The following RPN2 variants were observed in gnomAD, a reference collection of about 807,000 sequenced individuals.
RPN2 encodes the protein dolichyl-diphosphooligosaccharide--protein glycosyltransferase subunit 2.
RPN2 carries 29 observed loss-of-function variants against 71.4 expected under a neutral mutation model. The observed-to-expected ratio is 0.41, with a 90% CI of 0.30 to 0.55. RPN2 has a LOEUF of 0.55. Among genes scored for constraint, RPN2 ranks in the 20% least tolerant of loss-of-function variants. The pLI is 0.35. For missense variants in RPN2, 726 were observed against 774.1 expected (o/e 0.94, Z 0.74); for synonymous variants, 308 against 305.0 (o/e 1.01, Z -0.10).
At chr20:37,209,503 C>G (rs192453047) in intron 7 of RPN2, among the ~76,000 whole-genome samples, 1 of 151,762 alleles carries the variant, frequency 6.6e-6, no homozygotes, top group Non-Finnish European at 1.5e-5. Context: ...CAGGGTTTCC[C>G]TCTGTTTTCC....
intron 2 of RPN2, among the ~76,000 whole-genome samples, chr20:37,189,491 G>A (rs75081152): frequency 0.016 from 2,506 of 152,250 alleles, 28 homozygotes; most frequent in Middle Eastern, 0.027. Flanking sequence ...TTTGCTAATC[G>A]CAGCTATATG....
intron 9 of RPN2, among the ~76,000 whole-genome samples, chr20:37,217,857 C>T (rs1318478456): frequency 6.6e-6 from 1 of 152,000 alleles, no homozygotes; most frequent in Non-Finnish European, 1.5e-5. Context: ...CCTCAGCCTT[C>T]TGAGTAGCTG....
chr20:37,201,281 CTTT>C (rs373838278), intron 4 of RPN2, among the ~76,000 whole-genome samples: 18 of 105,082 alleles, frequency 1.7e-4, no homozygotes, highest in African/African-American at 3.5e-4. Context: ...AGGTCATAAG[CTTT>C]TTTTTTTTTT....
At chr20:37,233,956 T>C (rs1352632333) in intron 14 of RPN2, 64 bp from the exon 15 acceptor site, 1 of 1,558,510 alleles carries the variant, frequency 6.4e-7, no homozygotes, top group African/African-American at 1.4e-5. Flanking sequence ...AGCATTGGCA[T>C]GGCTTGTGTT....
chr20:37,223,417 A>G (rs908894298), intron 9 of RPN2, among the ~76,000 whole-genome samples: 6 of 152,170 alleles, frequency 3.9e-5, no homozygotes, highest in African/African-American at 1.4e-4. Flanking sequence ...TTATTTCCTT[A>G]TCTGAAAAGC....
At chr20:37,197,532 G>A (rs950596968) in intron 2 of RPN2, among the ~76,000 whole-genome samples, 17 of 152,320 alleles carry the variant, frequency 1.1e-4, no homozygotes, top group African/African-American at 3.4e-4. Flanking sequence ...TGGGTTGCTG[G>A]ATGCATGGTA....
At position 37,232,370 on chromosome 20, in the gene RPN2, G is replaced by A. The variant is rs368527026; in HGVS notation, c.1656G>A (p.Pro552=). 1.1e-5 allele frequency: 17 copies of A among 1,614,170 alleles called. No homozygotes were observed. Among genetic ancestry groups the A allele is most frequent in the South Asian group, 5.5e-5 (5 of 91,084 alleles). Residue 552 remains proline (P), a synonymous_variant, in exon 14 of 17, where the codon CCG becomes CCA. Coordinates refer to ENST00000237530, the MANE Select transcript of RPN2 (RefSeq NM_002951.5). The part of the protein sequence containing the change: ...SNTFTALILS[P]LLLLFALWIR... The stretch of plus-strand genomic sequence containing the variant: ...CATTCACTGCCCTGATCCTCTCGCC[G>A]TTGCTTCTGCTCTTCGCTCTGGTGA...
At chr20:37,185,941 T>G (rs939528704) in intron 2 of RPN2, among the ~76,000 whole-genome samples, 4 of 152,234 alleles carry the variant, frequency 2.6e-5, no homozygotes, top group African/African-American at 9.6e-5. Flanking sequence ...CCCATTCATG[T>G]TGTCGTATTG....
intron 2 of RPN2, among the ~76,000 whole-genome samples, chr20:37,185,872 G>A (rs1198822876): frequency 2.6e-5 from 4 of 152,248 alleles, no homozygotes; most frequent in Admixed American, 2.6e-4. Flanking sequence ...AGGTCAAAGT[G>A]AAGGCATTGG....
chr20:37,203,948 G>A lies in RPN2; in HGVS notation c.543G>A (p.Val181=). The change falls in exon 5 of 17, where the codon GTG becomes GTA. Residue 181 remains valine (V), a synonymous_variant. Coordinates refer to ENST00000237530, the MANE Select transcript of RPN2 (RefSeq NM_002951.5). The stretch of plus-strand genomic sequence containing the variant: ...AGCAGGCTGACCTGAGGAGCATCGT[G>A]GAGGAGATTGAGGTGTGAATCTTTT... ...LSQQADLRSI[V]EEIEDLVARL... is the part of the protein sequence containing the mutation. 6.2e-7 allele frequency: 1 copy of A among 1,613,226 alleles called. No individual in the cohort carries two copies. The highest frequency in any genetic ancestry group is 8.5e-7 in the Non-Finnish European group (1 of 1,179,172).
At chr20:37,188,798 T>TA (rs781474882) in intron 2 of RPN2, among the ~76,000 whole-genome samples, 1 of 150,866 alleles carries the variant, frequency 6.6e-6, no homozygotes. Flanking sequence ...TTTTTTTTTT[T>TA]AATATTTGTA....
chr20:37,188,219 A>G (rs2067056731), intron 2 of RPN2, among the ~76,000 whole-genome samples: 1 of 152,114 alleles, frequency 6.6e-6, no homozygotes, highest in South Asian at 2.1e-4. Flanking sequence ...GCCAAGCTGG[A>G]GTGCAGTGGC....
chr20:37,198,462 C>T lies in RPN2; in HGVS notation c.273C>T (p.Ala91=). The change falls in exon 3 of 17, where the codon GCC becomes GCT. Residue 91 remains alanine (A), a synonymous_variant. Transcript: ENST00000237530. ...PSNVDSLFYA[A]QASQALSGCE... Reference sequence around the variant, plus strand: ...ATGTGGATTCCCTCTTCTACGCTGCCCAGGCCAGCCAGGCCCTCTCAGGAT... The same window carrying T: ...ATGTGGATTCCCTCTTCTACGCTGCTCAGGCCAGCCAGGCCCTCTCAGGAT... 3.1e-6 allele frequency: 5 copies of T among 1,614,222 alleles called. No homozygotes were observed. The South Asian group carries it at 4.4e-5, about 14-fold the overall frequency.
At position 37,199,137 on chromosome 20, in the gene RPN2, G is replaced by A. The variant is rs761393245; in HGVS notation, c.391G>A (p.Ala131Thr). The A allele has an allele frequency of 1.2e-6, 2 of 1,614,092 alleles. No homozygotes were observed. The highest frequency in any genetic ancestry group is 1.3e-5 in the African/African-American group (1 of 74,946). Residue 131 changes from alanine (A) to threonine (T), a missense_variant, in exon 4 of 17, where the codon GCT (alanine) becomes ACT (threonine). Transcript: ENST00000237530. The part of the protein sequence containing the change: ...SVTQIYHAVA[A>T]LSGFGLPLAS... ...TACCCAGATCTACCATGCAGTTGCA[G>A]CTCTAAGTGGCTTTGGCCTTCCCTT...
intron 2 of RPN2, among the ~76,000 whole-genome samples, chr20:37,193,689 A>G (rs2067194922): frequency 6.6e-6 from 1 of 152,052 alleles, no homozygotes; most frequent in South Asian, 2.1e-4. Flanking sequence ...TGCTGCATGG[A>G]TGGGTAGTTG....
At chr20:37,208,758 C>A (rs2067581587) in intron 7 of RPN2, among the ~76,000 whole-genome samples, 1 of 152,204 alleles carries the variant, frequency 6.6e-6, no homozygotes, top group South Asian at 2.1e-4. Flanking sequence ...CGTTTTGTTG[C>A]TGTTGTTTGG....
At chr20:37,234,152 C>G in intron 15 of RPN2, 57 bp downstream of exon 15, 2 of 1,553,366 alleles carry the variant, frequency 1.3e-6, no homozygotes, top group Non-Finnish European at 1.8e-6. Context: ...AGCCTGCCCA[C>G]GCAAAAGCCC....
intron 5 of RPN2, 110 bp downstream of exon 5, chr20:37,204,070 A>G: frequency 1.3e-6 from 1 of 774,644 alleles, no homozygotes; most frequent in African/African-American, 1.7e-5. Context: ...ATTGCTTCTT[A>G]TATCCATGGC....
At chr20:37,239,855 A>G (rs1393100220) in intron 16 of RPN2, among the ~76,000 whole-genome samples, 1 of 151,914 alleles carries the variant, frequency 6.6e-6, no homozygotes, top group African/African-American at 2.4e-5. Context: ...ATTTGCTTTC[A>G]GCAACTGTCC....
Sources: gnomAD v4.1 joint callset for allele counts (sites outside exome capture counted in the v4.1 genomes callset) on GRCh38, gnomAD v4.1.1 for gene constraint, MANE v1.5 for transcripts, NCBI Gene and HGNC (gene_info 2026-07-23, HGNC 2026-07-21) for gene names.